Variants in UBAC2 observed in about 807,000 individuals in gnomAD.
UBAC2 encodes the protein ubiquitin-associated domain-containing protein 2.
Under a neutral mutation model 44.0 loss-of-function variants are expected in UBAC2, and 26 were observed. The ratio of observed to expected loss-of-function variants is 0.59; its 90% confidence interval spans 0.43 to 0.82. The LOEUF (loss-of-function observed/expected upper bound fraction) is 0.82. Ranked by LOEUF, UBAC2 falls within the 40% of genes least tolerant of loss-of-function variation. The pLI, the probability that UBAC2 is intolerant of heterozygous loss-of-function variation, is 0.00. For synonymous variants in UBAC2, 155 were observed against 154.3 expected (o/e 1.00, Z -0.04); for missense variants, 329 against 419.4 (o/e 0.78, Z 1.88).
In UBAC2 at chr13:99,366,384, C is replaced by G. The variant is rs1267884152; in HGVS notation, c.808-1403C>G. ...CCCCACTGGAGCTTTAACTATAAAT[C>G]CCATGTAACCCCAAGGCAAGAGAAT... On this transcript the variant is annotated intron_variant, in intron 7 of 8. Transcript: ENST00000403766. 2.6e-5 allele frequency among the ~76,000 whole-genome samples: 4 copies of G among 152,136 alleles called. No individual in the cohort carries two copies. The South Asian group carries it at 6.2e-4, about 24-fold the overall frequency.
chr13:99,231,710 T>C (rs2043175268), intron 1 of UBAC2, among the ~76,000 whole-genome samples: 1 of 152,070 alleles, frequency 6.6e-6, no homozygotes, highest in Admixed American at 6.6e-5. Context: ...CACGCCTGGC[T>C]CTCTTTTTGT....
chr13:99,358,857 C>A (rs979491652), intron 7 of UBAC2, among the ~76,000 whole-genome samples: 2 of 152,056 alleles, frequency 1.3e-5, no homozygotes, highest in Non-Finnish European at 2.9e-5. Flanking sequence ...TTGTTTGGGA[C>A]GTGTTCTATC....
intron 1 of UBAC2, chr13:99,201,176 T>G: frequency 7.3e-7 from 1 of 1,368,350 alleles, no homozygotes; most frequent in Non-Finnish European, 9.5e-7. Context: ...CCCCACCTGG[T>G]ATCCCCAGGT....
rs140717469 is a variant in UBAC2, at chr13:99,207,791, A to G, written c.31+6852A>G. 2.7e-3 allele frequency among the ~76,000 whole-genome samples: 404 copies of G among 152,258 alleles called. 1 individual carries two copies. The highest frequency in any genetic ancestry group is 4.7e-3 in the Non-Finnish European group (317 of 68,020). ...GGCCTGCACTCTCCACCTTCGTTCC[A>G]GCTTAGGATCCTGCCTTCGGAACCT... On this transcript the variant is annotated intron_variant, in intron 1 of 8. Coordinates refer to ENST00000403766, the MANE Select transcript of UBAC2 (RefSeq NM_001144072.2).
intron 5 of UBAC2, among the ~76,000 whole-genome samples, chr13:99,317,661 C>T (rs979533063): frequency 2.8e-4 from 42 of 151,990 alleles, no homozygotes; most frequent in African/African-American, 4.8e-5. Flanking sequence ...ATGGTGATTA[C>T]CTGTTTTGTA....
At chr13:99,347,663 A>G (rs1594154187) in intron 7 of UBAC2, among the ~76,000 whole-genome samples, 1 of 151,624 alleles carries the variant, frequency 6.6e-6, no homozygotes, top group South Asian at 2.1e-4. Context: ...GGCTCTATAG[A>G]TCTCACTTCA....
At chr13:99,202,951 G>C (rs1207635909) in intron 1 of UBAC2, among the ~76,000 whole-genome samples, 9 of 152,194 alleles carry the variant, frequency 5.9e-5, no homozygotes. Flanking sequence ...ATTAGAAAAG[G>C]CTGTGTGTCA....
At position 99,288,229 on chromosome 13, in the gene UBAC2, ACT is replaced by A. The variant is rs537269824; in HGVS notation, c.390-25865_390-25864del. Among the ~76,000 whole-genome samples, 621 of 152,316 alleles carry A rather than the reference ACT, an allele frequency of 4.1e-3. 2 individuals carry two copies. Among genetic ancestry groups the A allele is most frequent in the Non-Finnish European group, 7.4e-3 (501 of 68,032 alleles). On this transcript the variant is annotated intron_variant, in intron 4 of 8. Transcript: ENST00000403766. The stretch of plus-strand genomic sequence containing the variant: ...AGAAACCAGAAATAAATGTTTTAAC[ACT>A]CTGAGAAAATGGATAAAAGCCAATC...
chr13:99,299,462 GCA>G (rs10622782), intron 4 of UBAC2, among the ~76,000 whole-genome samples: 1 of 150,728 alleles, frequency 6.6e-6, no homozygotes, highest in Non-Finnish European at 1.5e-5. Context: ...ACACACACAC[GCA>G]CACACACACA....
At chr13:99,278,946 T>C (rs2138680402) in intron 4 of UBAC2, among the ~76,000 whole-genome samples, 1 of 152,302 alleles carries the variant, frequency 6.6e-6, no homozygotes, top group Middle Eastern at 3.4e-3. Flanking sequence ...TTGCAGAGAA[T>C]TATATTTCTG....
At chr13:99,365,417 T>C (rs2045317666) in intron 7 of UBAC2, among the ~76,000 whole-genome samples, 1 of 152,162 alleles carries the variant, frequency 6.6e-6, no homozygotes, top group Admixed American at 6.5e-5. Context: ...GTTTTCTTTT[T>C]TTAATTTAAT....
At chr13:99,219,307 C>T (rs1380596162) in intron 1 of UBAC2, among the ~76,000 whole-genome samples, 1 of 152,156 alleles carries the variant, frequency 6.6e-6, no homozygotes, top group African/African-American at 2.4e-5. Flanking sequence ...GTTAGTGTCT[C>T]CAGTACCCAA....
chr13:99,308,981 T>C (rs2044375905), intron 4 of UBAC2, among the ~76,000 whole-genome samples: 1 of 152,228 alleles, frequency 6.6e-6, no homozygotes, highest in Non-Finnish European at 1.5e-5. Flanking sequence ...AATTTTTCAG[T>C]TTGTTGAAAG....
chr13:99,336,125 T>A (rs1425325390), intron 6 of UBAC2, among the ~76,000 whole-genome samples: 4 of 152,230 alleles, frequency 2.6e-5, no homozygotes, highest in African/African-American at 9.6e-5. Flanking sequence ...CATCTTTTCA[T>A]GAGTTTGTCA....
At position 99,247,206 on chromosome 13, in the gene UBAC2, T is replaced by TG. The variant is rs1182207497; in HGVS notation, c.389+2582_389+2583insG. Among the ~76,000 whole-genome samples the TG allele has an allele frequency of 6.9e-3, 626 of 90,772 alleles. 16 individuals carry two copies. Among genetic ancestry groups the TG allele is most frequent in the Admixed American group, 0.048 (478 of 10,044 alleles). 59.5% of individuals were successfully genotyped at this position (90,772 alleles called of 152,430 possible). A position where few individuals can be genotyped will look rare whatever the true frequency, so the allele number is the denominator to read the frequency against. Reference sequence around the variant, plus strand: ...GAGAGAAAACTACTGTTTTTTTTTTTTTGTTTTGTTTTGTTTTGTTTTTCT... The same window carrying TG: ...GAGAGAAAACTACTGTTTTTTTTTTTGTTGTTTTGTTTTGTTTTGTTTTTCT... On this transcript the variant is annotated intron_variant, in intron 4 of 8. Transcript: ENST00000403766.
intron 4 of UBAC2, among the ~76,000 whole-genome samples, chr13:99,259,930 A>C (rs895177603): frequency 1.4e-4 from 22 of 152,210 alleles, no homozygotes; most frequent in African/African-American, 5.3e-4. Context: ...TAGAGGAGGC[A>C]TCCAGGAGCA....
At chr13:99,379,310 A>T (rs1441549204) in intron 8 of UBAC2, among the ~76,000 whole-genome samples, 1 of 152,196 alleles carries the variant, frequency 6.6e-6, no homozygotes, top group African/African-American at 2.4e-5. Flanking sequence ...GAGCAATAAA[A>T]CCAAAACAGT....
intron 8 of UBAC2, among the ~76,000 whole-genome samples, chr13:99,380,803 C>T (rs2045541008): frequency 6.6e-6 from 1 of 152,202 alleles, no homozygotes; most frequent in Admixed American, 6.5e-5. Flanking sequence ...TGCTACTTAG[C>T]AATAGTTTTT....
chr13:99,275,283 G>A (rs1287721654), intron 4 of UBAC2, among the ~76,000 whole-genome samples: 2 of 152,264 alleles, frequency 1.3e-5, no homozygotes, highest in South Asian at 4.1e-4. Flanking sequence ...CTGTTGGCAG[G>A]AAGCCTCAGC....
Sources: gnomAD v4.1 joint callset for allele counts (sites outside exome capture counted in the v4.1 genomes callset) on GRCh38, gnomAD v4.1.1 for gene constraint, MANE v1.5 for transcripts, NCBI Gene and HGNC (gene_info 2026-07-23, HGNC 2026-07-21) for gene names.